The following SASH1 variants were observed in gnomAD, a reference collection of about 807,000 sequenced individuals.
SASH1 encodes SAM and SH3 domain-containing protein 1.
In SASH1, 44 loss-of-function variants were observed where a neutral mutation model predicts 125.2. The observed-to-expected ratio is 0.35, with a 90% CI of 0.28 to 0.45. SASH1 has a LOEUF of 0.45. SASH1 is among the 20% of genes least tolerant of loss of function. The pLI is 1.00. For missense variants in SASH1, 1,426 were observed against 1,614.5 expected (o/e 0.88, Z 2.00); for synonymous variants, 639 against 649.1 (o/e 0.98, Z 0.24).
chr6:148,390,438 T>C (rs1783655489), intron 2 of SASH1, among the ~76,000 whole-genome samples, 176 bp downstream of exon 2: 1 of 152,190 alleles, frequency 6.6e-6, no homozygotes, highest in African/African-American at 2.4e-5. Context: ...GCCGCAGATA[T>C]CAAACTGAGT....
the SASH1 span, among the ~76,000 whole-genome samples, chr6:148,194,893 G>C: frequency 4.6e-5 from 7 of 152,112 alleles, no homozygotes; most frequent in African/African-American, 1.5e-4. Context: ...GCGACAGAGC[G>C]AGACTCCGTC....
At chr6:148,229,065 C>T in the SASH1 span, among the ~76,000 whole-genome samples, 6 of 129,230 alleles carry the variant, frequency 4.6e-5, no homozygotes, top group Non-Finnish European at 9.2e-5. Context: ...ACCTGGGAGG[C>T]AGATGTTGCA....
At chr6:148,362,054 C>T (rs1409964090) in intron 1 of SASH1, among the ~76,000 whole-genome samples, 2 of 150,442 alleles carry the variant, frequency 1.3e-5, no homozygotes, top group African/African-American at 4.9e-5. Flanking sequence ...GCTGGGACTA[C>T]AGACGCCCAC....
intron 2 of SASH1, among the ~76,000 whole-genome samples, chr6:148,402,861 G>A (rs1233431382): frequency 2.0e-5 from 3 of 151,930 alleles, no homozygotes; most frequent in Admixed American, 6.6e-5. Flanking sequence ...TGCCTGTCTC[G>A]GCCTCCCAAA....
Position 148,307,259 on chromosome 6 carries a change from C to G in SASH1, n.74+34882C>G, listed in dbSNP as rs1200505136. On this transcript the variant is annotated intron_variant and non_coding_transcript_variant, in intron 1 of 3. Coordinates refer to the SASH1 transcript ENST00000367469. Reference sequence around the variant, plus strand: ...TCAGCCTCCTGAGTAGCTGGGATTACAGGTGTGTGCCACCATGCCTGGCTA... The same window carrying G: ...TCAGCCTCCTGAGTAGCTGGGATTAGAGGTGTGTGCCACCATGCCTGGCTA... Among the ~76,000 whole-genome samples, 3 of 151,894 alleles carry G rather than the reference C, an allele frequency of 2.0e-5. 1 individual carries two copies. The highest frequency in any genetic ancestry group is 2.0e-4 in the Admixed American group (3 of 15,220).
chr6:148,318,334 T>G (rs751576735), intron 1 of SASH1, among the ~76,000 whole-genome samples: 2 of 152,218 alleles, frequency 1.3e-5, no homozygotes, highest in Non-Finnish European at 2.9e-5. Flanking sequence ...TTTATTAACA[T>G]TATGCTTATC....
chr6:148,281,437 C>A (rs1331581717), intron 1 of SASH1, among the ~76,000 whole-genome samples: 1 of 152,080 alleles, frequency 6.6e-6, no homozygotes, highest in East Asian at 1.9e-4. Context: ...AGGATATGCT[C>A]CACTAAAACA....
chr6:148,545,269 A>G (rs1028733590), intron 18 of SASH1, among the ~76,000 whole-genome samples: 2 of 152,238 alleles, frequency 1.3e-5, no homozygotes, highest in African/African-American at 2.4e-5. Context: ...AGACAAAGCA[A>G]TGCTAACAGA....
intron 8 of SASH1, among the ~76,000 whole-genome samples, chr6:148,498,506 T>A (rs953021623): frequency 7.9e-5 from 12 of 152,188 alleles, no homozygotes; most frequent in African/African-American, 2.9e-4. Context: ...TACCTATTTT[T>A]AAAAAATTAA....
chr6:148,502,658 C>T (rs1163257163), intron 8 of SASH1, among the ~76,000 whole-genome samples: 2 of 151,992 alleles, frequency 1.3e-5, no homozygotes, highest in South Asian at 2.1e-4. Flanking sequence ...CCGGGAAGCT[C>T]CTGTTGACTG....
At chr6:148,344,119 C>T (rs1027844055) in intron 1 of SASH1, among the ~76,000 whole-genome samples, 5 of 152,070 alleles carry the variant, frequency 3.3e-5, no homozygotes, top group African/African-American at 7.2e-5. Flanking sequence ...AATGATAAAC[C>T]GTGTACAGTT....
At chr6:148,475,645 A>G (rs1299466877) in intron 7 of SASH1, among the ~76,000 whole-genome samples, 1 of 152,224 alleles carries the variant, frequency 6.6e-6, no homozygotes, top group Non-Finnish European at 1.5e-5. Context: ...GTAACATTCA[A>G]CCTATAGCAA....
At chr6:148,523,330 A>C (rs1181599958) in intron 10 of SASH1, among the ~76,000 whole-genome samples, 3 of 152,254 alleles carry the variant, frequency 2.0e-5, no homozygotes, top group Non-Finnish European at 4.4e-5. Flanking sequence ...TGTACATGGC[A>C]TTATAAGCTG....
At chr6:148,474,372 T>C in intron 7 of SASH1, 150 bp downstream of exon 7, 1 of 552,334 alleles carries the variant, frequency 1.8e-6, no homozygotes. Flanking sequence ...CATTCTACTT[T>C]GTGAGGTGAA....
At chr6:148,386,724 T>C (rs1783383871) in intron 1 of SASH1, among the ~76,000 whole-genome samples, 2 of 152,090 alleles carry the variant, frequency 1.3e-5, no homozygotes, top group South Asian at 4.2e-4. Context: ...TCTTCCAGGG[T>C]CCCCGGTTGT....
chr6:148,244,695 C>T, the SASH1 span, among the ~76,000 whole-genome samples: 1 of 152,110 alleles, frequency 6.6e-6, no homozygotes, highest in Non-Finnish European at 1.5e-5. Context: ...TCTCCTGGGG[C>T]CACGTGTCTG....
chr6:148,450,027 C>T (rs1223133741), intron 4 of SASH1, among the ~76,000 whole-genome samples: 2 of 152,322 alleles, frequency 1.3e-5, no homozygotes, highest in Admixed American at 6.5e-5. Flanking sequence ...GGCCCCACCT[C>T]CCAACATCAC....
At chr6:148,460,611 C>G (rs1243616987) in intron 4 of SASH1, among the ~76,000 whole-genome samples, 1 of 152,088 alleles carries the variant, frequency 6.6e-6, no homozygotes, top group African/African-American at 2.4e-5. Context: ...TATTGAAAAG[C>G]TATGCAACAT....
chr6:148,430,180 G>A (rs1776005970), intron 2 of SASH1, among the ~76,000 whole-genome samples: 1 of 152,202 alleles, frequency 6.6e-6, no homozygotes, highest in South Asian at 2.1e-4. Flanking sequence ...ATAAGCAGAA[G>A]TGAGACACCA....
Sources: gnomAD v4.1 joint callset for allele counts (sites outside exome capture counted in the v4.1 genomes callset) on GRCh38, gnomAD v4.1.1 for gene constraint, MANE v1.5 for transcripts, NCBI Gene and HGNC (gene_info 2026-07-23, HGNC 2026-07-21) for gene names.